The following PIK3C2G variants were observed in gnomAD, a reference collection of about 807,000 sequenced individuals.
The protein encoded by PIK3C2G is phosphatidylinositol-4-phosphate 3-kinase catalytic subunit type 2 gamma.
Under a neutral mutation model 181.1 loss-of-function variants are expected in PIK3C2G, and 168 were observed. The ratio of observed to expected loss-of-function variants is 0.93; its 90% CI spans 0.82 to 1.05. PIK3C2G has a LOEUF of 1.05. Ranked by LOEUF, PIK3C2G falls within the 50% of genes least tolerant of loss-of-function variation. The probability of loss-of-function intolerance (pLI) is 0.00; values close to 1 mark genes in which losing one functional copy is unlikely to be tolerated. For missense variants in PIK3C2G, 1,869 were observed against 1,732.8 expected, an observed-to-expected ratio of 1.08 and a Z score of -1.40; for synonymous variants, 573 against 592.2, an observed-to-expected ratio of 0.97 and a Z score of 0.47.
intron 31 of PIK3C2G, among the ~76,000 whole-genome samples, chr12:18,623,605 C>T (rs989913320): frequency 6.6e-6 from 1 of 151,646 alleles, no homozygotes; most frequent in Non-Finnish European, 1.5e-5. Flanking sequence ...AGTGTTTGCA[C>T]TGAATCTGTA....
At chr12:18,287,259 C>G (rs997730116) in intron 3 of PIK3C2G, among the ~76,000 whole-genome samples, 6 of 151,940 alleles carry the variant, frequency 3.9e-5, no homozygotes. Context: ...ACTCCTCTGG[C>G]TAACCCCCAA....
At chr12:18,486,160 T>G (rs1940007669) in intron 18 of PIK3C2G, among the ~76,000 whole-genome samples, 1 of 152,106 alleles carries the variant, frequency 6.6e-6, no homozygotes, top group South Asian at 2.1e-4. Context: ...AAACAAACTC[T>G]CTACACATTG....
intron 31 of PIK3C2G, among the ~76,000 whole-genome samples, chr12:18,617,350 A>G (rs1047544089): frequency 1.3e-5 from 2 of 152,104 alleles, no homozygotes; most frequent in Non-Finnish European, 2.9e-5. Flanking sequence ...TGACTTTTCC[A>G]GGTTTTTTGT....
At position 18,537,280 on chromosome 12, in the gene PIK3C2G, A is replaced by G. The variant is rs560284180; in HGVS notation, c.3324-876A>G. Reference sequence around the variant, plus strand: ...TTCCCTCAATAATCCATGACTTTTTAAATTGCTACTTGGTCTAACCTTTCA... The same window carrying G: ...TTCCCTCAATAATCCATGACTTTTTGAATTGCTACTTGGTCTAACCTTTCA... On this transcript the variant is annotated intron_variant, in intron 24 of 32. Transcript: ENST00000538779. Among the ~76,000 whole-genome samples, 18 of 152,252 alleles carry G rather than the reference A, an allele frequency of 1.2e-4. No homozygotes were observed. In the South Asian group the frequency reaches 3.5e-3, roughly 30 times the overall value.
At chr12:18,684,089 T>C in the PIK3C2G span, 1 of 1,603,118 alleles carries the variant, frequency 6.2e-7, no homozygotes, top group Non-Finnish European at 8.5e-7. Context: ...ACAAGTTATA[T>C]TTAAATGCTG....
At chr12:18,268,935 A>T (rs1417536752) in intron 1 of PIK3C2G, among the ~76,000 whole-genome samples, 1 of 151,128 alleles carries the variant, frequency 6.6e-6, no homozygotes, top group Non-Finnish European at 1.5e-5. Flanking sequence ...TTTTTTTTTT[A>T]AACGAGTCTC....
intron 26 of PIK3C2G, among the ~76,000 whole-genome samples, chr12:18,560,396 G>A (rs918394728): frequency 3.3e-5 from 5 of 151,980 alleles, no homozygotes; most frequent in African/African-American, 1.2e-4. Context: ...TGAGATAAAA[G>A]AAATGAAGAA....
At chr12:18,451,722 A>T (rs976931004) in intron 18 of PIK3C2G, among the ~76,000 whole-genome samples, 11 of 152,084 alleles carry the variant, frequency 7.2e-5, no homozygotes, top group African/African-American at 2.7e-4. Flanking sequence ...TGTCATAAAT[A>T]GCTCTTATTA....
intron 11 of PIK3C2G, 79 bp downstream of exon 11, chr12:18,346,915 T>C (rs1013729955): frequency 7.3e-6 from 6 of 817,366 alleles, no homozygotes; most frequent in African/African-American, 7.0e-5. Context: ...CATGTTCTTA[T>C]ATGCAGGAGC....
the PIK3C2G span, among the ~76,000 whole-genome samples, chr12:18,706,858 C>G: frequency 6.6e-6 from 1 of 152,200 alleles, no homozygotes; most frequent in Non-Finnish European, 1.5e-5. Context: ...CATTTATTCT[C>G]TCACTGTCTA....
intron 31 of PIK3C2G, among the ~76,000 whole-genome samples, chr12:18,623,908 A>G (rs1337378548): frequency 6.6e-6 from 1 of 151,776 alleles, no homozygotes; most frequent in Non-Finnish European, 1.5e-5. Context: ...CGCTGAATTC[A>G]TTTATCAGTT....
chr12:18,638,216 G>A (rs903890365), intron 31 of PIK3C2G, among the ~76,000 whole-genome samples: 2 of 152,264 alleles, frequency 1.3e-5, no homozygotes, highest in South Asian at 2.1e-4. Flanking sequence ...TGGGGTAGAG[G>A]TAAAGGGGTT....
intron 5 of PIK3C2G, among the ~76,000 whole-genome samples, chr12:18,310,392 A>C (rs10841016): frequency 6.6e-6 from 1 of 151,554 alleles, no homozygotes; most frequent in Admixed American, 6.6e-5. Flanking sequence ...ATTTTTAAGA[A>C]ATCTGTCTTC....
At chr12:18,259,415 G>A (rs1948181131), upstream of PIK3C2G, among the ~76,000 whole-genome samples, 1 of 152,034 alleles carries the variant, frequency 6.6e-6, no homozygotes, top group South Asian at 2.1e-4. Context: ...TACTGGCAGA[G>A]CGAGTGTTGA....
chr12:18,393,869 T>TA (rs1453069064), intron 15 of PIK3C2G, among the ~76,000 whole-genome samples: 1 of 152,092 alleles, frequency 6.6e-6, no homozygotes, highest in African/African-American at 2.4e-5. Flanking sequence ...GAGATATTTT[T>TA]AAAAAGGCAG....
chr12:18,281,704 G>A (rs1949225849), intron 1 of PIK3C2G, among the ~76,000 whole-genome samples: 2 of 151,904 alleles, frequency 1.3e-5, no homozygotes, highest in East Asian at 1.9e-4. Context: ...AATGATAAGT[G>A]GATATTCAAT....
the PIK3C2G span, chr12:18,688,249 A>G: frequency 6.3e-7 from 1 of 1,581,648 alleles, no homozygotes; most frequent in East Asian, 2.2e-5. Context: ...ATAAGAATTT[A>G]GCAAGATATT....
intron 31 of PIK3C2G, among the ~76,000 whole-genome samples, chr12:18,615,540 T>C (rs1009485525): frequency 2.0e-5 from 3 of 151,968 alleles, no homozygotes; most frequent in Non-Finnish European, 4.4e-5. Context: ...TAAACATACA[T>C]GTGCAAGTGT....
the PIK3C2G span, among the ~76,000 whole-genome samples, chr12:18,708,053 C>A: frequency 1.3e-5 from 2 of 152,166 alleles, no homozygotes; most frequent in Admixed American, 1.3e-4. Context: ...AGCATGAATA[C>A]CATATACAGT....
Sources: allele counts gnomAD v4.1 joint callset (sites outside exome capture counted in the v4.1 genomes callset), GRCh38; gene constraint gnomAD v4.1.1; transcripts MANE v1.5; gene names NCBI Gene and HGNC (gene_info 2026-07-23, HGNC 2026-07-21).